Variants in KIF26A observed in about 807,000 individuals in gnomAD.
KIF26A encodes kinesin family member 26A, also known as kinesin-like protein KIF26A.
Under a neutral mutation model 126.0 loss-of-function variants are expected in KIF26A, and 74 were observed. The ratio of observed to expected loss-of-function variants is 0.59; its 90% CI spans 0.49 to 0.71. KIF26A has a LOEUF of 0.71. Ranked by LOEUF, KIF26A falls within the 30% of genes least tolerant of loss-of-function variation. The pLI is 0.00. For synonymous variants in KIF26A, 1,445 were observed against 1,232.7 expected, an observed-to-expected ratio of 1.17 and a Z score of -3.61; for missense variants, 2,984 against 2,763.3, an observed-to-expected ratio of 1.08 and a Z score of -1.79.
chr14:104,178,628 A>G lies in KIF26A; in HGVS notation c.5189A>G (p.Gln1730Arg). 2 of 1,549,528 alleles carry G rather than the reference A, an allele frequency of 1.3e-6. No homozygotes were observed. The highest frequency in any genetic ancestry group is 2.4e-5 in the South Asian group (2 of 84,002). The change falls in exon 13 of 15, where the codon CAG becomes CGG. Residue 1730 changes from glutamine (Q) to arginine (R), a missense_variant. Coordinates refer to ENST00000423312, the MANE Select transcript of KIF26A (RefSeq NM_015656.2). ...GGCCGTAAGCCCAGCCTCCCCGGGC[A>G]GTGGGTGGACCTGCCCCCGCCCCTG... ...ALGRKPSLPG[Q>R]WVDLPPPLAG...
chr14:104,164,885 A>ATATGTGTCTCTGTG (rs2037868853), intron 4 of KIF26A, among the ~76,000 whole-genome samples: 1 of 142,628 alleles, frequency 7.0e-6, no homozygotes, highest in African/African-American at 2.6e-5. Flanking sequence ...GTCTCTCTGT[A>ATATGTGTCTCTGTG]TATGTGTCTC....
rs1354072033 is a variant in KIF26A, at chr14:104,148,432, G to T, written c.289-3583G>T. 6.6e-6 allele frequency among the ~76,000 whole-genome samples: 1 copy of T among 152,164 alleles called. No individual in the cohort carries two copies. Among genetic ancestry groups the T allele is most frequent in the Non-Finnish European group, 1.5e-5 (1 of 68,026 alleles). ...TTCCTCAAGACACCAGGCTGTGGAG[G>T]CCTGGGTGACAGGCGGGCCTGCTGG... On this transcript the variant is annotated intron_variant, in intron 2 of 14. Transcript: ENST00000423312. This position sits in a 1 kb window ranked among gnomAD's most constrained non-coding sequence, Gnocchi z 4.3.
At chr14:104,168,353 C>T (rs1056889492) in intron 5 of KIF26A, among the ~76,000 whole-genome samples, 3 of 152,236 alleles carry the variant, frequency 2.0e-5, no homozygotes, top group Non-Finnish European at 2.9e-5. Context: ...ACGCTAATTT[C>T]GTGACTTGAG....
At chr14:104,139,436 C>T in intron 2 of KIF26A, 148 bp downstream of exon 2, 1 of 1,058,704 alleles carries the variant, frequency 9.4e-7, no homozygotes, top group South Asian at 2.4e-5. Context: ...CTTCTGCGGG[C>T]CTCAGTTTCC....
chr14:104,172,706 G>A, intron 7 of KIF26A, 38 bp downstream of exon 7: 1 of 1,477,496 alleles, frequency 6.8e-7, no homozygotes. Context: ...GGTCCTGCTG[G>A]CCACCCCCTC....
chr14:104,149,306 G>A (rs909664170), intron 2 of KIF26A, among the ~76,000 whole-genome samples: 4 of 152,194 alleles, frequency 2.6e-5, no homozygotes, highest in East Asian at 1.9e-4. Flanking sequence ...CTCGTGGCCC[G>A]TCCTGGGGAG....
rs2037727931 is a variant in KIF26A at position 104,151,393 on chromosome 14, C to CG, written c.289-620dup. 6.8e-6 allele frequency among the ~76,000 whole-genome samples: 1 copy of CG among 147,362 alleles called. No individual in the cohort carries two copies. The highest frequency in any genetic ancestry group is 2.5e-5 in the African/African-American group (1 of 39,764). On this transcript the variant is annotated intron_variant, in intron 2 of 14. Transcript: ENST00000423312. The surrounding 1 kb of genome is among the most constrained non-coding windows in gnomAD (Gnocchi z 4.9). ...TGGGTGGGGGAGCTGGTGGAGTGTG[C>CG]GGCGGGGGGTGGGGCCCTGGGCTGT...
At chr14:104,142,683 G>GC (rs1176470529) in intron 2 of KIF26A, among the ~76,000 whole-genome samples, 3 of 152,070 alleles carry the variant, frequency 2.0e-5, no homozygotes, top group Non-Finnish European at 2.9e-5. Context: ...CACATCTAAG[G>GC]CCCCCCTCGC....
At position 104,179,343 on chromosome 14, in the gene KIF26A, C is replaced by T. The variant is rs766318586; in HGVS notation, c.5424C>T (p.Thr1808=). 8.4e-6 allele frequency: 13 copies of T among 1,539,222 alleles called. No homozygotes were observed. In the African/African-American group the frequency reaches 1.6e-4, roughly 19 times the overall value. The change falls in exon 14 of 15, where the codon ACC becomes ACT. Residue 1808 remains threonine, a synonymous_variant. Transcript: ENST00000423312. ...HKHLCEELAE[T]QGRLMLEPGR... is the part of the protein sequence containing the mutation. ...ACCTGTGTGAGGAGCTGGCCGAGAC[C>T]CAGGGCCGGCTGATGCTGGAGCCTG...
At chr14:104,141,594 C>T (rs1263173803) in intron 2 of KIF26A, among the ~76,000 whole-genome samples, 1 of 145,162 alleles carries the variant, frequency 6.9e-6, no homozygotes, top group Non-Finnish European at 1.5e-5. Context: ...CGTAGAGGGT[C>T]GGGGCCCAGC....
At chr14:104,171,680 T>C (rs1257602357) in intron 5 of KIF26A, 43 bp from the exon 6 acceptor site, 1 of 1,502,326 alleles carries the variant, frequency 6.7e-7, no homozygotes, top group Non-Finnish European at 9.0e-7. Context: ...AGTGGCCGGC[T>C]GGGCGGAGGC....
In KIF26A at chr14:104,179,822, C is replaced by G. The variant is rs1360987664; in HGVS notation, c.*32C>G. On this transcript the variant is annotated 3_prime_UTR_variant, in exon 15 of 15. Coordinates refer to ENST00000423312, the MANE Select transcript of KIF26A (RefSeq NM_015656.2). ...GCGCCGGACAAGAGGAGGGGGCGTGCAGCGGGCTGGAGGACGGGACGTGGG... is the reference window on the plus strand; with the variant it reads ...GCGCCGGACAAGAGGAGGGGGCGTGGAGCGGGCTGGAGGACGGGACGTGGG... 6.7e-7 allele frequency: 1 copy of G among 1,491,036 alleles called. No homozygotes were observed. The highest frequency in any genetic ancestry group is 8.9e-7 in the Non-Finnish European group (1 of 1,120,368). 92.4% of individuals were successfully genotyped at this position (1,491,036 alleles called of 1,614,324 possible). A position where few individuals can be genotyped will look rare whatever the true frequency, so the allele number is the denominator to read the frequency against.
chr14:104,146,834 G>A (rs912613263), intron 2 of KIF26A, among the ~76,000 whole-genome samples: 3 of 151,516 alleles, frequency 2.0e-5, no homozygotes, highest in African/African-American at 7.3e-5. Context: ...AGACCGCCAC[G>A]GGGCAGGCCA....
rs2275594 is a variant in KIF26A, at chr14:104,173,249, C to T, written c.1683+10C>T. On this transcript the variant is annotated intron_variant, in intron 8 of 14. Transcript: ENST00000423312. ...CGTGTGTGGGGCGCAGGTGCGCCTG[C>T]CTACTGTCCCACCTTGGGGGAGGGG... 1.5e-4 allele frequency: 246 copies of T among 1,604,288 alleles called. 1 individual carries two copies. In the East Asian group the frequency reaches 5.4e-3, roughly 35 times the overall value.
rs760631572 is a variant in KIF26A, at chr14:104,176,636, T to C, written c.3848T>C (p.Val1283Ala). 2 of 1,605,954 alleles carry C rather than the reference T, an allele frequency of 1.2e-6. No individual in the cohort carries two copies. Among genetic ancestry groups the C allele is most frequent in the Non-Finnish European group, 1.7e-6 (2 of 1,177,286 alleles). ...GTGATGCTAGCCTGTGCCCAGAGAG[T>C]GGTGGACGGGTGTGAGGTGGCAGCC... ...AQVMLACAQR[V>A]VDGCEVAARA... Residue 1283 changes from valine (V) to alanine (A), a missense_variant, in exon 12 of 15, where the codon GTG becomes GCG. By Grantham distance (64) the Val-to-Ala change is moderately conservative (BLOSUM62 0). Coordinates refer to ENST00000423312, the MANE Select transcript of KIF26A (RefSeq NM_015656.2).
intron 2 of KIF26A, among the ~76,000 whole-genome samples, chr14:104,141,962 A>AGCT (rs2037641729): frequency 6.6e-6 from 1 of 152,190 alleles, no homozygotes. Context: ...TCACCTTGGC[A>AGCT]GCTGCTGCTG....
chr14:104,158,029 G>A lies in KIF26A; in HGVS notation c.923+87G>A, dbSNP rs2037799174. 3 of 1,244,236 alleles carry A rather than the reference G, an allele frequency of 2.4e-6. No individual in the cohort carries two copies. The East Asian group carries it at 8.7e-5, about 36-fold the overall frequency. 77.1% of individuals were successfully genotyped at this position (1,244,236 alleles called of 1,614,324 possible). ...CCCTGGGGACCTATGGGCCGTTCTT[G>A]GGGGACCTCGGGCATGCTTGCTGCT... On this transcript the variant is annotated intron_variant, in intron 4 of 14. Coordinates refer to ENST00000423312, the MANE Select transcript of KIF26A (RefSeq NM_015656.2).
At chr14:104,179,440 T>C in intron 14 of KIF26A, 54 bp downstream of exon 14, 2 of 1,448,748 alleles carry the variant, frequency 1.4e-6, no homozygotes, top group Non-Finnish European at 1.8e-6. Context: ...CCCTGACAGC[T>C]GCCCTCCCCT....
chr14:104,171,881 T>A lies in KIF26A; in HGVS notation c.1272T>A (p.Ala424=). Residue 424 remains alanine, a synonymous_variant, in exon 6 of 15, where the codon GCT becomes GCA. Transcript: ENST00000423312. ...CAGGCCCCCGGCGAGCCGCCACTGC[T>A]GCAGTTCCCAAGATGTTTGCCTTCG... The part of the protein sequence containing the change: ...GSAGPRRAAT[A]AVPKMFAFDA... 1.9e-6 allele frequency: 3 copies of A among 1,559,406 alleles called. No homozygotes were observed. The highest frequency in any genetic ancestry group is 2.6e-6 in the Non-Finnish European group (3 of 1,152,592).
Sources: allele counts gnomAD v4.1 joint callset (sites outside exome capture counted in the v4.1 genomes callset), GRCh38; gene constraint gnomAD v4.1.1; non-coding constraint Gnocchi (gnomAD v3.1); transcripts MANE v1.5; gene names NCBI Gene and HGNC (gene_info 2026-07-23, HGNC 2026-07-21).